Variants in PITPNB observed in about 807,000 individuals in gnomAD.
PITPNB encodes phosphatidylinositol transfer protein beta.
In PITPNB, 16 loss-of-function variants were observed where a neutral mutation model predicts 45.9. That is an observed-to-expected ratio of 0.35 (90% CI 0.24 to 0.53). The LOEUF is 0.53. PITPNB is among the 20% of genes least tolerant of loss of function. PITPNB has a pLI of 0.93. For synonymous variants in PITPNB, 112 were observed against 108.9 expected (o/e 1.03, Z -0.18); for missense variants, 188 against 330.5 (o/e 0.57, Z 3.34).
At position 27,898,001 on chromosome 22, in the gene PITPNB, T is replaced by G. The variant is rs1005687496; in HGVS notation, c.198-109A>C. On this transcript the variant is annotated intron_variant, in intron 3 of 11. Coordinates refer to ENST00000335272, the MANE Select transcript of PITPNB (RefSeq NM_012399.5). ...CAATCAAAGGTGACCAGGTTCTAAG[T>G]CTGATGAACTAGTTTATTTCAATCC... 5.5e-6 allele frequency: 4 copies of G among 721,354 alleles called. No individual in the cohort carries two copies. The African/African-American group carries it at 6.9e-5, about 12-fold the overall frequency. 44.7% of individuals were successfully genotyped at this position (721,354 alleles called of 1,614,324 possible).
chr22:27,919,054 G>T, intron 1 of PITPNB, 118 bp downstream of exon 1: 1 of 1,515,776 alleles, frequency 6.6e-7, no homozygotes. Flanking sequence ...GGGGGCGCCC[G>T]CAGGGAGGGG....
At chr22:27,909,737 AG>A (rs1490324702) in intron 3 of PITPNB, among the ~76,000 whole-genome samples, 1 of 152,160 alleles carries the variant, frequency 6.6e-6, no homozygotes, top group Non-Finnish European at 1.5e-5. Flanking sequence ...AACTTCTCTT[AG>A]GAACAGTAAC....
Position 27,919,158 on chromosome 22 carries a change from A to G in PITPNB, c.20+14T>C, listed in dbSNP as rs762454483. 6.2e-7 allele frequency: 1 copy of G among 1,613,892 alleles called. No homozygotes were observed. The stretch of plus-strand genomic sequence containing the variant: ...CCGTCCCACGGCCTCGCTCGCGCCC[A>G]CAGACCCACTCACAATTCCTTGATC... On this transcript the variant is annotated intron_variant, in intron 1 of 11. Transcript: ENST00000335272.
chr22:27,886,183 T>C (rs1453087775), intron 7 of PITPNB, among the ~76,000 whole-genome samples: 1 of 152,226 alleles, frequency 6.6e-6, no homozygotes, highest in East Asian at 1.9e-4. Flanking sequence ...ATCCGTTTCC[T>C]ATGGTAGGTA....
intron 3 of PITPNB, among the ~76,000 whole-genome samples, chr22:27,898,489 A>G (rs2146405548): frequency 6.6e-6 from 1 of 152,154 alleles, no homozygotes; most frequent in South Asian, 2.1e-4. Flanking sequence ...ACCCCAATGT[A>G]AAACCTAAGA....
At chr22:27,867,614 C>G (rs924011910) in intron 8 of PITPNB, among the ~76,000 whole-genome samples, 3 of 152,180 alleles carry the variant, frequency 2.0e-5, no homozygotes, top group Admixed American at 2.0e-4. Context: ...ATGCTTCATG[C>G]TTGTGGGTGA....
chr22:27,886,125 C>T (rs1935117174), intron 7 of PITPNB, among the ~76,000 whole-genome samples: 1 of 152,200 alleles, frequency 6.6e-6, no homozygotes, highest in African/African-American at 2.4e-5. Flanking sequence ...AAGGATATAA[C>T]AACTTAATAA....
At chr22:27,874,704 AC>A (rs1222039404) in intron 7 of PITPNB, among the ~76,000 whole-genome samples, 2 of 152,268 alleles carry the variant, frequency 1.3e-5, no homozygotes, top group African/African-American at 2.4e-5. Context: ...CAGATTAATA[AC>A]AATAAGAGAG....
At chr22:27,910,771 T>G (rs1054362279) in intron 3 of PITPNB, 193 bp downstream of exon 3, 1 of 489,958 alleles carries the variant, frequency 2.0e-6, no homozygotes, top group Non-Finnish European at 3.7e-6. Context: ...TTTATCTGAA[T>G]TTTTGTTATA....
chr22:27,867,270 CAG>C (rs1448386553), intron 8 of PITPNB, among the ~76,000 whole-genome samples: 4 of 151,732 alleles, frequency 2.6e-5, no homozygotes, highest in South Asian at 2.1e-4. Flanking sequence ...GGAAGGAAGA[CAG>C]GGGGAATACA....
chr22:27,906,095 A>C (rs1199632401), intron 3 of PITPNB, among the ~76,000 whole-genome samples: 1 of 152,236 alleles, frequency 6.6e-6, no homozygotes, highest in Admixed American at 6.5e-5. Flanking sequence ...TTTAGGGAAG[A>C]GGGATCGAAG....
intron 6 of PITPNB, 69 bp from the exon 7 acceptor site, chr22:27,894,707 CTTTAT>C: frequency 1.1e-6 from 1 of 870,790 alleles, no homozygotes; most frequent in Admixed American, 1.9e-5. Flanking sequence ...CACATATAAT[CTTTAT>C]CTTGAGTCTC....
At chr22:27,894,356 CAA>C in intron 7 of PITPNB, 197 bp downstream of exon 7, 1 of 397,078 alleles carries the variant, frequency 2.5e-6, no homozygotes, top group Non-Finnish European at 4.5e-6. Context: ...ACACAGAAAA[CAA>C]ATCGCCTTCT....
chr22:27,894,771 T>C (rs1935387107), intron 6 of PITPNB, 133 bp from the exon 7 acceptor site: 1 of 493,066 alleles, frequency 2.0e-6, no homozygotes, highest in Admixed American at 3.4e-5. Context: ...TATTTCATTA[T>C]ATTAGCTGTC....
intron 7 of PITPNB, among the ~76,000 whole-genome samples, chr22:27,891,440 T>A (rs1256476294): frequency 6.6e-6 from 1 of 152,212 alleles, no homozygotes; most frequent in African/African-American, 2.4e-5. Flanking sequence ...CTGGAGCTAA[T>A]AATAATGATA....
At chr22:27,873,597 C>G (rs1339565083) in intron 8 of PITPNB, 141 bp downstream of exon 8, 6 of 609,824 alleles carry the variant, frequency 9.8e-6, no homozygotes, top group Non-Finnish European at 1.8e-5. Flanking sequence ...CTGCAACTGG[C>G]TGTAAGTCCT....
chr22:27,894,020 A>G (rs1935365484), intron 7 of PITPNB: 1 of 152,244 alleles, frequency 6.6e-6, no homozygotes, highest in African/African-American at 2.4e-5. Context: ...AGAAATATTT[A>G]CATCTTAATA....
At chr22:27,916,567 T>C (rs1471416933) in intron 1 of PITPNB, among the ~76,000 whole-genome samples, 2 of 152,080 alleles carry the variant, frequency 1.3e-5, no homozygotes, top group East Asian at 3.9e-4. Context: ...ATCCCAGCAC[T>C]TAGTGGGCGG....
intron 8 of PITPNB, among the ~76,000 whole-genome samples, chr22:27,871,289 T>C (rs1232761263): frequency 2.0e-5 from 3 of 152,216 alleles, no homozygotes; most frequent in African/African-American, 4.8e-5. Flanking sequence ...GGAGTTCCTA[T>C]AGGAAGGATC....
Sources: gnomAD v4.1 joint callset for allele counts (sites outside exome capture counted in the v4.1 genomes callset) on GRCh38, gnomAD v4.1.1 for gene constraint, MANE v1.5 for transcripts, NCBI Gene and HGNC (gene_info 2026-07-23, HGNC 2026-07-21) for gene names.